PARVA: variants seen among roughly 807,000 people sequenced by gnomAD.
PARVA encodes the protein parvin alpha, also known as alpha-parvin.
PARVA carries 25 observed loss-of-function variants against 52.6 expected under a neutral mutation model. That is an observed-to-expected ratio of 0.48 (90% CI 0.35 to 0.66). PARVA has a LOEUF of 0.66. Ranked by LOEUF, PARVA falls within the 30% of genes least tolerant of loss-of-function variation. The pLI is 0.01. For synonymous variants in PARVA, 185 were observed against 179.1 expected, an observed-to-expected ratio of 1.03 and a Z score of -0.26; for missense variants, 373 against 450.9, an observed-to-expected ratio of 0.83 and a Z score of 1.56.
chr11:12,521,921 C>T (rs1301933671), intron 12 of PARVA, among the ~76,000 whole-genome samples: 2 of 152,138 alleles, frequency 1.3e-5, no homozygotes, highest in Admixed American at 6.5e-5. Context: ...ATCTCCATTT[C>T]GAGCCTCCAG....
At chr11:12,426,991 G>T (rs372204998) in intron 1 of PARVA, among the ~76,000 whole-genome samples, 1 of 152,086 alleles carries the variant, frequency 6.6e-6, no homozygotes, top group African/African-American at 2.4e-5. Flanking sequence ...CCAAAAAAAG[G>T]CTTTGAAGTC....
At chr11:12,521,961 T>C (rs1941642197) in intron 12 of PARVA, among the ~76,000 whole-genome samples, 1 of 152,214 alleles carries the variant, frequency 6.6e-6, no homozygotes, top group Non-Finnish European at 1.5e-5. Flanking sequence ...GACACCGTGA[T>C]TTTATCTCAG....
At chr11:12,388,620 G>A (rs1939612934) in intron 1 of PARVA, among the ~76,000 whole-genome samples, 1 of 152,144 alleles carries the variant, frequency 6.6e-6, no homozygotes, top group Non-Finnish European at 1.5e-5. Flanking sequence ...AAACCGTTGT[G>A]CAAAGTTCCA....
intron 1 of PARVA, among the ~76,000 whole-genome samples, chr11:12,435,456 A>G (rs1447696801): frequency 2.0e-5 from 3 of 152,248 alleles, no homozygotes; most frequent in African/African-American, 7.2e-5. Flanking sequence ...GATGGGTGAC[A>G]GAGCTTCCGG....
intron 1 of PARVA, among the ~76,000 whole-genome samples, chr11:12,388,676 ATTC>A (rs774154512): frequency 3.0e-4 from 46 of 152,130 alleles, no homozygotes; most frequent in Non-Finnish European, 5.7e-4. Flanking sequence ...ATTTCTTTCT[ATTC>A]TTCTTTATTA....
At chr11:12,515,476 G>T (rs571295604) in intron 10 of PARVA, among the ~76,000 whole-genome samples, 3 of 152,152 alleles carry the variant, frequency 2.0e-5, no homozygotes, top group Non-Finnish European at 1.5e-5. Flanking sequence ...CGTTTTCAAG[G>T]GCAGGGAGTG....
intron 1 of PARVA, among the ~76,000 whole-genome samples, chr11:12,422,088 T>G (rs1487701276): frequency 6.6e-6 from 1 of 152,216 alleles, no homozygotes; most frequent in Non-Finnish European, 1.5e-5. Context: ...CATTTAGGGT[T>G]CTTATGCTTT....
intron 1 of PARVA, among the ~76,000 whole-genome samples, chr11:12,465,952 T>C (rs1224510225): frequency 6.6e-6 from 1 of 152,226 alleles, no homozygotes; most frequent in African/African-American, 2.4e-5. Flanking sequence ...CTATTTTGCA[T>C]TCCTACCAGC....
chr11:12,479,669 T>C (rs905313680), intron 4 of PARVA: 8 of 152,238 alleles, frequency 5.3e-5, no homozygotes, highest in African/African-American at 1.9e-4. Context: ...ACACAAATGT[T>C]TCTCTCTCTG....
At chr11:12,384,031 C>T (rs1161060036) in intron 1 of PARVA, among the ~76,000 whole-genome samples, 1 of 152,156 alleles carries the variant, frequency 6.6e-6, no homozygotes, top group East Asian at 1.9e-4. Flanking sequence ...CCCATATGTG[C>T]AACTGTCTTT....
At chr11:12,389,895 G>T (rs1043423332) in intron 1 of PARVA, among the ~76,000 whole-genome samples, 13 of 152,180 alleles carry the variant, frequency 8.5e-5, no homozygotes, top group Admixed American at 6.5e-4. Flanking sequence ...GGAGGGATGT[G>T]TCAGGGCATT....
Position 12,533,713 on chromosome 11 carries a change from C to T in PARVA, c.*5788C>T. Among the ~76,000 whole-genome samples the T allele has an allele frequency of 6.6e-6, 1 of 151,894 alleles. No individual in the cohort carries two copies. Among genetic ancestry groups the T allele is most frequent in the South Asian group, 2.1e-4 (1 of 4,822 alleles). On this transcript the variant is annotated 3_prime_UTR_variant, in exon 13 of 13. Coordinates refer to ENST00000334956, the MANE Select transcript of PARVA (RefSeq NM_018222.5). The stretch of plus-strand genomic sequence containing the variant: ...ACGGTAAGCTAGAGAAAAAATGTTA[C>T]TAAGAAAAACATAAGCAAGAGAAAA...
At chr11:12,483,441 C>T (rs541578797) in intron 4 of PARVA, among the ~76,000 whole-genome samples, 1 of 152,338 alleles carries the variant, frequency 6.6e-6, no homozygotes, top group Non-Finnish European at 1.5e-5. Context: ...TCAACCAGGG[C>T]TCATAGCTGG....
chr11:12,417,017 ATAATGGAGAAC>A (rs765244952), intron 1 of PARVA, among the ~76,000 whole-genome samples: 13 of 152,218 alleles, frequency 8.5e-5, no homozygotes, highest in Non-Finnish European at 1.5e-4. Flanking sequence ...GGAACTACTT[ATAATGGAGAAC>A]TGTGTTTGAG....
At chr11:12,403,435 T>C (rs1939857717) in intron 1 of PARVA, among the ~76,000 whole-genome samples, 1 of 152,184 alleles carries the variant, frequency 6.6e-6, no homozygotes, top group Non-Finnish European at 1.5e-5. Flanking sequence ...CCCCCAGCCT[T>C]CTCTGTGCCC....
At chr11:12,491,321 T>C (rs1215095787) in intron 4 of PARVA, among the ~76,000 whole-genome samples, 1 of 152,106 alleles carries the variant, frequency 6.6e-6, no homozygotes, top group Non-Finnish European at 1.5e-5. Flanking sequence ...TGTGCCACCA[T>C]GCCCAGCTAA....
chr11:12,499,449 T>G (rs1362109367), intron 5 of PARVA, among the ~76,000 whole-genome samples: 10 of 152,086 alleles, frequency 6.6e-5, no homozygotes, highest in Non-Finnish European at 1.5e-4. Flanking sequence ...TTTTTTTTTT[T>G]TCTAATTCAC....
At chr11:12,468,885 A>G (rs935711422) in intron 1 of PARVA, among the ~76,000 whole-genome samples, 2 of 152,202 alleles carry the variant, frequency 1.3e-5, no homozygotes, top group Non-Finnish European at 1.5e-5. Context: ...AAGTGATTCC[A>G]GAAGCTTCTA....
chr11:12,398,188 C>G (rs1348627012), intron 1 of PARVA: 1 of 152,012 alleles, frequency 6.6e-6, no homozygotes, highest in Non-Finnish European at 1.5e-5. Context: ...ACATCCAAAG[C>G]CATGGTGAGG....
Sources: allele counts gnomAD v4.1 joint callset (sites outside exome capture counted in the v4.1 genomes callset), GRCh38; gene constraint gnomAD v4.1.1; transcripts MANE v1.5; gene names NCBI Gene and HGNC (gene_info 2026-07-23, HGNC 2026-07-21).